The following PLEKHA7 variants were observed in gnomAD, a reference collection of about 807,000 sequenced individuals.
PLEKHA7 encodes the protein pleckstrin homology domain containing A7, also known as pleckstrin homology domain-containing family A member 7.
A neutral mutation model predicts 170.0 loss-of-function variants in PLEKHA7; 104 were observed. The ratio of observed to expected loss-of-function variants is 0.61; its 90% confidence interval spans 0.52 to 0.72. PLEKHA7 has a LOEUF of 0.72. Ranked by LOEUF, PLEKHA7 falls within the 30% of genes least tolerant of loss-of-function variation. The pLI is 0.00. For missense variants in PLEKHA7, 1,615 were observed against 1,671.7 expected (o/e 0.97, Z 0.59); for synonymous variants, 648 against 660.8 (o/e 0.98, Z 0.30).
intron 3 of PLEKHA7, among the ~76,000 whole-genome samples, chr11:16,950,211 G>GA (rs1266219206): frequency 6.6e-6 from 1 of 152,120 alleles, no homozygotes; most frequent in Non-Finnish European, 1.5e-5. Context: ...CCACGCCCTA[G>GA]AATCTGTGAG....
rs547816963 is a variant in PLEKHA7 at position 16,998,372 on chromosome 11, C to T, written c.221+15617G>A. Among the ~76,000 whole-genome samples, 3 of 152,308 alleles carry T rather than the reference C, an allele frequency of 2.0e-5. No homozygotes were observed. The East Asian group carries it at 5.8e-4, about 29-fold the overall frequency. On this transcript the variant is annotated intron_variant, in intron 3 of 26. Transcript: ENST00000531066. ...AGGCAATCAGCACCAACCAAGACCT[C>T]CCTCCCCAAGGAGCAACCTGGAAAG...
At chr11:16,801,480 G>A (rs950956430) in intron 16 of PLEKHA7, among the ~76,000 whole-genome samples, 188 bp downstream of exon 16, 7 of 152,188 alleles carry the variant, frequency 4.6e-5, no homozygotes, top group Admixed American at 1.3e-4. Flanking sequence ...TAAGGCACAC[G>A]TGCAGGCAGA....
chr11:16,789,018 A>ATG lies in PLEKHA7; in HGVS notation c.3357+76_3357+77dup. ...GACAGCTCTCTCACTGGGAGGTGTGATGTGCTTGTGTTTGGGGGACTCTGA... is the reference window on the plus strand; with the variant it reads ...GACAGCTCTCTCACTGGGAGGTGTGATGTGTGCTTGTGTTTGGGGGACTCTGA... On this transcript the variant is annotated intron_variant, in intron 23 of 26. Transcript: ENST00000531066. This position sits in a 1 kb window ranked among gnomAD's most constrained non-coding sequence, Gnocchi z 4.6. The ATG allele has an allele frequency of 6.7e-7, 1 of 1,498,066 alleles. No individual in the cohort carries two copies. The allele number at this position is 1,498,066 out of a possible 1,614,324, so 92.8% of individuals were successfully genotyped here. A position where few individuals can be genotyped will look rare whatever the true frequency, so the allele number is the denominator to read the frequency against.
At position 16,826,543 on chromosome 11, in the gene PLEKHA7, G is replaced by A. The variant is rs377065434; in HGVS notation, c.920C>T (p.Thr307Ile). 48 of 1,614,004 alleles carry A rather than the reference G, an allele frequency of 3.0e-5. No individual in the cohort carries two copies. The highest frequency in any genetic ancestry group is 6.7e-5 in the Admixed American group (4 of 60,006). The change falls in exon 10 of 27, where the codon ACA becomes ATA. Residue 307 changes from threonine to isoleucine, a missense_variant. Thr to Ile is a moderately conservative substitution (Grantham distance 89). Coordinates refer to ENST00000531066, the MANE Select transcript of PLEKHA7 (RefSeq NM_001329630.2). Reference sequence around the variant, plus strand: ...CCGGCCACATTCGTGACAGGACTCTGTGTGGTTGGCCTGGGGGACAGCCTG... The same window carrying A: ...CCGGCCACATTCGTGACAGGACTCTATGTGGTTGGCCTGGGGGACAGCCTG... ...ERQAVPQANH[T>I]ESCHECGRVG...
intron 3 of PLEKHA7, among the ~76,000 whole-genome samples, chr11:16,875,142 CAA>C (rs1163540812): frequency 1.3e-5 from 2 of 152,158 alleles, no homozygotes; most frequent in African/African-American, 4.8e-5. Context: ...CCTTCTTTGC[CAA>C]AAGAGTTGTC....
At chr11:16,878,056 C>A (rs1194800225) in intron 3 of PLEKHA7, among the ~76,000 whole-genome samples, 2 of 152,196 alleles carry the variant, frequency 1.3e-5, no homozygotes, top group African/African-American at 4.8e-5. Context: ...AATACTCCTC[C>A]AGGCTTCCCT....
intron 3 of PLEKHA7, among the ~76,000 whole-genome samples, chr11:16,874,264 C>T (rs527888092): frequency 1.3e-5 from 2 of 152,212 alleles, no homozygotes; most frequent in South Asian, 2.1e-4. Flanking sequence ...CCTAGCACTT[C>T]CTGAGGCTGG....
intron 10 of PLEKHA7, among the ~76,000 whole-genome samples, chr11:16,824,485 G>A (rs1210144674): frequency 6.6e-6 from 1 of 152,212 alleles, no homozygotes; most frequent in African/African-American, 2.4e-5. Flanking sequence ...TGCATTGCAT[G>A]CCTGTATCAA....
chr11:16,938,200 G>A (rs950022514), intron 3 of PLEKHA7, among the ~76,000 whole-genome samples: 1 of 152,092 alleles, frequency 6.6e-6, no homozygotes, highest in Non-Finnish European at 1.5e-5. Flanking sequence ...TCTTCCTAAG[G>A]TTAAGGGGTT....
intron 13 of PLEKHA7, among the ~76,000 whole-genome samples, chr11:16,811,032 A>G (rs891679702): frequency 6.6e-6 from 1 of 152,216 alleles, no homozygotes; most frequent in East Asian, 1.9e-4. Flanking sequence ...ATTGTTATTA[A>G]GCTTCTGTTG....
chr11:16,987,308 C>A (rs1320591342), intron 3 of PLEKHA7, among the ~76,000 whole-genome samples: 1 of 151,812 alleles, frequency 6.6e-6, no homozygotes, highest in Non-Finnish European at 1.5e-5. Context: ...CTCCGCCCCC[C>A]AGAAGCCAGC....
At chr11:16,779,761 G>A (rs1307083385) in intron 26 of PLEKHA7, among the ~76,000 whole-genome samples, 2 of 152,098 alleles carry the variant, frequency 1.3e-5, no homozygotes, top group Non-Finnish European at 2.9e-5. Context: ...ATCATGCTTC[G>A]CTCCCTGCAG....
intron 3 of PLEKHA7, among the ~76,000 whole-genome samples, chr11:16,933,453 G>C (rs1452061372): frequency 1.3e-5 from 2 of 152,220 alleles, no homozygotes; most frequent in Non-Finnish European, 2.9e-5. Flanking sequence ...GAGGGATTCA[G>C]CTTTGCCAAG....
rs534587851 is a variant in PLEKHA7 at position 16,914,905 on chromosome 11, T to C, written c.222-43723A>G. ...CCCAAGACAAGAAAGGTTTTTCTCC[T>C]CAGCAGCCTCCAGCATTCATGTCTT... On this transcript the variant is annotated intron_variant, in intron 3 of 26. Coordinates refer to ENST00000531066, the MANE Select transcript of PLEKHA7 (RefSeq NM_001329630.2). Among the ~76,000 whole-genome samples, 10 of 152,316 alleles carry C rather than the reference T, an allele frequency of 6.6e-5. No homozygotes were observed. The South Asian group carries it at 2.1e-3, about 32-fold the overall frequency.
At chr11:17,009,358 T>C in intron 3 of PLEKHA7, among the ~76,000 whole-genome samples, 1 of 152,210 alleles carries the variant, frequency 6.6e-6, no homozygotes, top group East Asian at 1.9e-4. Flanking sequence ...TATAGGAATG[T>C]CCAGGATTAC....
At chr11:16,917,359 C>T (rs1858763651) in intron 3 of PLEKHA7, among the ~76,000 whole-genome samples, 1 of 152,220 alleles carries the variant, frequency 6.6e-6, no homozygotes, top group Non-Finnish European at 1.5e-5. Context: ...GCTGCTATAA[C>T]AAATTATCAT....
At chr11:16,863,137 G>A (rs1308724961) in intron 4 of PLEKHA7, among the ~76,000 whole-genome samples, 1 of 151,796 alleles carries the variant, frequency 6.6e-6, no homozygotes, top group African/African-American at 2.4e-5. Flanking sequence ...GTGATACCCC[G>A]CCCCCGAACC....
At chr11:16,955,151 G>A (rs148943854) in intron 3 of PLEKHA7, among the ~76,000 whole-genome samples, 48 of 152,258 alleles carry the variant, frequency 3.2e-4, no homozygotes, top group Non-Finnish European at 6.5e-4. Context: ...AGAATACAAA[G>A]AAGAAAACTG....
chr11:16,982,484 C>T (rs1276351539), intron 3 of PLEKHA7, among the ~76,000 whole-genome samples: 1 of 152,242 alleles, frequency 6.6e-6, no homozygotes, highest in East Asian at 1.9e-4. Flanking sequence ...ATTCAAAGTG[C>T]TTACTGTCCC....
Sources: gnomAD v4.1 joint callset for allele counts (sites outside exome capture counted in the v4.1 genomes callset) on GRCh38, gnomAD v4.1.1 for gene constraint, Gnocchi (gnomAD v3.1) non-coding constraint, MANE v1.5 for transcripts, NCBI Gene and HGNC (gene_info 2026-07-23, HGNC 2026-07-21) for gene names.